The following CDC42EP4 variants were observed in gnomAD, a reference collection of about 807,000 sequenced individuals.
The protein encoded by CDC42EP4 is CDC42 effector protein 4.
Under a neutral mutation model 5.6 loss-of-function variants are expected in CDC42EP4, and 6 were observed. The observed-to-expected ratio is 1.07, with a 90% confidence interval of 0.59 to 2.12. The LOEUF (loss-of-function observed/expected upper bound fraction) is 2.12, where lower values mean the gene tolerates loss of function less well. CDC42EP4 is among the 30% of genes most tolerant of loss of function. The pLI is 0.00. For synonymous variants in CDC42EP4, 230 were observed against 224.2 expected (o/e 1.03, Z -0.23); for missense variants, 490 against 508.6 (o/e 0.96, Z 0.35).
chr17:73,309,270 C>T (rs2062261264), intron 1 of CDC42EP4, among the ~76,000 whole-genome samples: 1 of 152,016 alleles, frequency 6.6e-6, no homozygotes, highest in Non-Finnish European at 1.5e-5. Context: ...ATAGCTTGAG[C>T]CCAGGAGGTC....
chr17:73,300,248 A>G (rs78910789), intron 1 of CDC42EP4, among the ~76,000 whole-genome samples: 4,942 of 152,144 alleles, frequency 0.032, 198 homozygotes, highest in East Asian at 0.087. Flanking sequence ...CCCCTTCCTG[A>G]AGAAAGGGCA....
Position 73,306,996 on chromosome 17 carries a change from T to C in CDC42EP4, c.-113+4897A>G, listed in dbSNP as rs1357475376. On this transcript the variant is annotated intron_variant, in intron 1 of 1. Transcript: ENST00000335793. ...CTACCGTGATGGCCAAGGCAGAAGA[T>C]GGTGGCTGAAGCAGCTCTGGCTGAG... 3 of 152,404 alleles carry C rather than the reference T, an allele frequency of 2.0e-5. No homozygotes were observed. The East Asian group carries it at 5.8e-4, about 29-fold the overall frequency. 9.4% of individuals were successfully genotyped at this position (152,404 alleles called of 1,614,324 possible).
At chr17:73,303,129 A>C (rs1035228384) in intron 1 of CDC42EP4, among the ~76,000 whole-genome samples, 2 of 149,786 alleles carry the variant, frequency 1.3e-5, no homozygotes, top group African/African-American at 4.9e-5. Flanking sequence ...GGATCACCTG[A>C]GGTTGGGAGT....
chr17:73,283,821 AAGTT>A lies in CDC42EP4; in HGVS notation c.*1605_*1608del, dbSNP rs1246627343. On this transcript the variant is annotated 3_prime_UTR_variant, in exon 2 of 2. Transcript: ENST00000335793. ...CCAACAGGGCACCGAACCTGGAACT[AAGTT>A]AGTGTCTAGAGTCAGGCAAGAGAGG... 6 of 152,414 alleles carry A rather than the reference AAGTT, an allele frequency of 3.9e-5. No individual in the cohort carries two copies. Among genetic ancestry groups the A allele is most frequent in the African/African-American group, 9.6e-5 (4 of 41,574 alleles). 9.4% of individuals were successfully genotyped at this position (152,414 alleles called of 1,614,324 possible). A position where few individuals can be genotyped will look rare whatever the true frequency, so the allele number is the denominator to read the frequency against.
At chr17:73,292,714 G>A (rs903015175) in intron 1 of CDC42EP4, among the ~76,000 whole-genome samples, 3 of 152,174 alleles carry the variant, frequency 2.0e-5, no homozygotes, top group African/African-American at 4.8e-5. Flanking sequence ...CAGAGGGAAC[G>A]GCGCGTGCAA....
intron 1 of CDC42EP4, chr17:73,306,584 T>C (rs2062245103): frequency 6.6e-6 from 1 of 152,228 alleles, no homozygotes. Flanking sequence ...AACCAGATTC[T>C]CCTTAGAGGT....
chr17:73,288,023 A>C (rs2062142821), intron 1 of CDC42EP4, among the ~76,000 whole-genome samples: 1 of 152,046 alleles, frequency 6.6e-6, no homozygotes, highest in Non-Finnish European at 1.5e-5. Context: ...TTGTACCCTG[A>C]TCTATCCCCT....
intron 1 of CDC42EP4, among the ~76,000 whole-genome samples, chr17:73,293,379 C>A (rs1168449334): frequency 6.6e-6 from 1 of 152,058 alleles, no homozygotes; most frequent in Non-Finnish European, 1.5e-5. Flanking sequence ...GACATTTAGG[C>A]CATGTTTTGG....
intron 1 of CDC42EP4, among the ~76,000 whole-genome samples, chr17:73,302,125 C>T (rs2062222240): frequency 2.0e-5 from 3 of 152,200 alleles, no homozygotes. Context: ...TGAGCTACTG[C>T]ACCCGGCCAG....
chr17:73,285,890 T>G lies in CDC42EP4; in HGVS notation c.611A>C (p.Glu204Ala). 6.2e-7 allele frequency: 1 copy of G among 1,614,014 alleles called. No homozygotes were observed. The highest frequency in any genetic ancestry group is 8.5e-7 in the Non-Finnish European group (1 of 1,180,014). The change falls in exon 2 of 2, where the codon GAG (glutamate) becomes GCG (alanine). Residue 204 changes from glutamate to alanine, a missense_variant. Coordinates refer to ENST00000335793, the MANE Select transcript of CDC42EP4 (RefSeq NM_012121.5). This position sits in a 1 kb window ranked among gnomAD's most constrained non-coding sequence, Gnocchi z 6.8. ...PKATYGLKHA[E>A]SIMSFHIDLG... is the part of the protein sequence containing the mutation. ...GTCGATGTGGAAGGACATGATGGAC[T>G]CCGCATGCTTCAGCCCGTACGTGGC...
chr17:73,285,272 C>T lies in CDC42EP4; in HGVS notation c.*158G>A, dbSNP rs866900887. On this transcript the variant is annotated 3_prime_UTR_variant, in exon 2 of 2. Transcript: ENST00000335793. The surrounding 1 kb of genome is among the most constrained non-coding windows in gnomAD (Gnocchi z 6.8). ...CAGCCCCCTACGTCCTCCGAAGACC[C>T]GAGGGCCAGGCCAGTGTCCCTCATC... 2 of 579,052 alleles carry T rather than the reference C, an allele frequency of 3.5e-6. No homozygotes were observed. The highest frequency in any genetic ancestry group is 3.0e-5 in the South Asian group (1 of 33,280). 35.9% of individuals were successfully genotyped at this position (579,052 alleles called of 1,614,324 possible).
At chr17:73,298,320 G>C (rs939426315) in intron 1 of CDC42EP4, among the ~76,000 whole-genome samples, 2 of 152,170 alleles carry the variant, frequency 1.3e-5, no homozygotes, top group Non-Finnish European at 2.9e-5. Flanking sequence ...CAGGGAGATC[G>C]GGACCCTCTC....
intron 1 of CDC42EP4, among the ~76,000 whole-genome samples, chr17:73,295,091 C>T (rs2062178209): frequency 2.0e-5 from 3 of 152,046 alleles, no homozygotes; most frequent in Non-Finnish European, 4.4e-5. Context: ...GGATTACAGG[C>T]TTGAGCCATT....
rs777389313 is a variant in CDC42EP4, at chr17:73,285,954, C to T, written c.547G>A (p.Ala183Thr). The part of the protein sequence containing the change: ...HSPDPLLDEQ[A>T]FGDLTDLPVV... ...GGCAGATCTGTCAGATCCCCAAAGG[C>T]CTGCTCATCGAGGAGGGGGTCAGGG... The change falls in exon 2 of 2, where the codon GCC becomes ACC. Residue 183 changes from alanine (A) to threonine (T), a missense_variant. Transcript: ENST00000335793. The surrounding 1 kb of genome is among the most constrained non-coding windows in gnomAD (Gnocchi z 6.8). The T allele has an allele frequency of 1.9e-6, 3 of 1,613,818 alleles. No homozygotes were observed. The highest frequency in any genetic ancestry group is 2.5e-6 in the Non-Finnish European group (3 of 1,179,994).
At position 73,301,248 on chromosome 17, in the gene CDC42EP4, A is replaced by G. The variant is rs1004689403; in HGVS notation, c.-113+10645T>C. Reference sequence around the variant, plus strand: ...GTACCATTTCCTCTTACTTGTTAAAATGTAACTATTAAAATATAAATTATG... The same window carrying G: ...GTACCATTTCCTCTTACTTGTTAAAGTGTAACTATTAAAATATAAATTATG... On this transcript the variant is annotated intron_variant, in intron 1 of 1. Coordinates refer to ENST00000335793, the MANE Select transcript of CDC42EP4 (RefSeq NM_012121.5). 3.3e-5 allele frequency among the ~76,000 whole-genome samples: 5 copies of G among 152,328 alleles called. No homozygotes were observed. The South Asian group carries it at 1.0e-3, about 32-fold the overall frequency.
intron 1 of CDC42EP4, chr17:73,310,999 T>C (rs1486217136): frequency 1.3e-5 from 2 of 152,064 alleles, no homozygotes; most frequent in Non-Finnish European, 2.9e-5. Flanking sequence ...GGACGGCCGA[T>C]CCGCGCGCAC....
rs148676924 is a variant in CDC42EP4 at position 73,297,852 on chromosome 17, T to C, written c.-112-11240A>G. Among the ~76,000 whole-genome samples the C allele has an allele frequency of 3.3e-3, 502 of 150,758 alleles. 1 individual carries two copies. The highest frequency in any genetic ancestry group is 0.012 in the African/African-American group (485 of 41,024). On this transcript the variant is annotated intron_variant, in intron 1 of 1. Transcript: ENST00000335793. ...TTTTATATTTTCAGTAAAGACGGGG[T>C]TTCCCCATGTTGACCAGGCTGGTCT...
chr17:73,305,174 G>A (rs934750314), intron 1 of CDC42EP4, among the ~76,000 whole-genome samples: 2 of 152,318 alleles, frequency 1.3e-5, no homozygotes, highest in East Asian at 3.9e-4. Context: ...AAGGACATCC[G>A]GCAACTTCAC....
intron 1 of CDC42EP4, among the ~76,000 whole-genome samples, chr17:73,299,239 C>T (rs182649891): frequency 5.9e-5 from 9 of 151,790 alleles, no homozygotes; most frequent in South Asian, 2.1e-4. Flanking sequence ...CTGGCTAACA[C>T]GGTGAAACCC....
Sources: allele counts gnomAD v4.1 joint callset (sites outside exome capture counted in the v4.1 genomes callset), GRCh38; gene constraint gnomAD v4.1.1; non-coding constraint Gnocchi (gnomAD v3.1); transcripts MANE v1.5; gene names NCBI Gene and HGNC (gene_info 2026-07-23, HGNC 2026-07-21).